TRIP4: variants seen among roughly 807,000 people sequenced by gnomAD.
TRIP4 encodes thyroid hormone receptor interactor 4.
Under a neutral mutation model 81.8 loss-of-function variants are expected in TRIP4, and 54 were observed. The observed-to-expected ratio is 0.66, with a 90% CI of 0.53 to 0.83. The LOEUF (loss-of-function observed/expected upper bound fraction) is 0.83, where lower values mean the gene tolerates loss of function less well. Among genes scored for constraint, TRIP4 ranks in the 40% least tolerant of loss-of-function variants. The pLI is 0.00. For synonymous variants in TRIP4, 270 were observed against 242.8 expected (o/e 1.11, Z -1.04); for missense variants, 662 against 683.6 (o/e 0.97, Z 0.35).
intron 1 of TRIP4, among the ~76,000 whole-genome samples, chr15:64,388,970 C>T (rs1300617796): frequency 6.6e-6 from 1 of 152,104 alleles, no homozygotes; most frequent in East Asian, 1.9e-4. Context: ...GTAACAAAGA[C>T]AAGACAGTTG....
chr15:64,428,867 C>T (rs1892208252), intron 11 of TRIP4, among the ~76,000 whole-genome samples: 2 of 152,056 alleles, frequency 1.3e-5, no homozygotes, highest in Non-Finnish European at 2.9e-5. Flanking sequence ...CCGCATTGAC[C>T]TCCCAAAGTG....
In TRIP4 at chr15:64,389,501, A is replaced by AT. The variant is rs201347624; in HGVS notation, c.101+1545dup. 2.4e-3 allele frequency among the ~76,000 whole-genome samples: 368 copies of AT among 151,986 alleles called. 2 individuals carry two copies. The highest frequency in any genetic ancestry group is 8.5e-3 in the African/African-American group (353 of 41,436). ...AAAAAAGTAAACAACAAGATAAAGG[A>AT]TTTTTTTTAACACTAGAATAGACAA... On this transcript the variant is annotated intron_variant, in intron 1 of 12. Transcript: ENST00000261884.
At chr15:64,436,465 G>A (rs967623756) in intron 11 of TRIP4, among the ~76,000 whole-genome samples, 3 of 151,242 alleles carry the variant, frequency 2.0e-5, no homozygotes, top group South Asian at 2.1e-4. Context: ...GGTGGCGGGC[G>A]CCTGTAATCC....
intron 12 of TRIP4, among the ~76,000 whole-genome samples, chr15:64,447,627 C>T (rs566196471): frequency 1.2e-4 from 19 of 152,332 alleles, no homozygotes; most frequent in African/African-American, 4.6e-4. Context: ...CCAAGTTGCC[C>T]TTAACTGACA....
chr15:64,423,991 A>G, intron 9 of TRIP4, 40 bp from the exon 10 acceptor site: 1 of 1,610,556 alleles, frequency 6.2e-7, no homozygotes, highest in Non-Finnish European at 8.5e-7. Flanking sequence ...CCAGGAAACT[A>G]GAATTTATAT....
At chr15:64,406,138 C>T (rs766127440) in intron 5 of TRIP4, among the ~76,000 whole-genome samples, 192 bp from the exon 6 acceptor site, 9 of 152,166 alleles carry the variant, frequency 5.9e-5, no homozygotes, top group African/African-American at 1.4e-4. Flanking sequence ...TATTGAAAAC[C>T]TGTCATGTGT....
intron 3 of TRIP4, among the ~76,000 whole-genome samples, chr15:64,396,856 C>T (rs1452194341): frequency 6.6e-6 from 1 of 152,212 alleles, no homozygotes; most frequent in African/African-American, 2.4e-5. Flanking sequence ...GTTTGCAGTC[C>T]TGCCAGCAGT....
At chr15:64,441,132 G>A (rs1892507297) in intron 11 of TRIP4, among the ~76,000 whole-genome samples, 1 of 151,962 alleles carries the variant, frequency 6.6e-6, no homozygotes, top group South Asian at 2.1e-4. Flanking sequence ...GCGTAGCTGG[G>A]ACTACTGGTG....
chr15:64,439,754 C>T (rs558198004), intron 11 of TRIP4, among the ~76,000 whole-genome samples: 3 of 151,676 alleles, frequency 2.0e-5, no homozygotes, highest in Middle Eastern at 3.4e-3. Context: ...GAACTCCTGG[C>T]CTCAAGCAAT....
At chr15:64,398,546 C>T (rs1031258370) in intron 4 of TRIP4, among the ~76,000 whole-genome samples, 7 of 151,910 alleles carry the variant, frequency 4.6e-5, no homozygotes, top group Admixed American at 3.3e-4. Context: ...CCAGGACGTC[C>T]AGGCTGCAGT....
At chr15:64,393,151 ATTTTT>A (rs947519077) in intron 1 of TRIP4, among the ~76,000 whole-genome samples, 1 of 130,702 alleles carries the variant, frequency 7.7e-6, no homozygotes. Flanking sequence ...TTGTATGTTA[ATTTTT>A]TTTTTTTTTT....
At chr15:64,450,393 GAA>G (rs1005400086) in intron 12 of TRIP4, among the ~76,000 whole-genome samples, 824 of 46,934 alleles carry the variant, frequency 0.018, 7 homozygotes, top group African/African-American at 0.051. Flanking sequence ...CGTCTCAAAA[GAA>G]AAAAAAAAAA....
intron 12 of TRIP4, among the ~76,000 whole-genome samples, chr15:64,453,066 GT>G (rs1168452635): frequency 3.3e-5 from 5 of 152,168 alleles, no homozygotes; most frequent in African/African-American, 1.2e-4. Flanking sequence ...CACACCTGTA[GT>G]CCCAGCTACA....
chr15:64,394,360 C>T (rs1275279443), intron 2 of TRIP4, among the ~76,000 whole-genome samples: 1 of 152,060 alleles, frequency 6.6e-6, no homozygotes, highest in Non-Finnish European at 1.5e-5. Context: ...AATCCCAGCA[C>T]TTTGGGAGGC....
At chr15:64,429,329 A>G (rs540770454) in intron 11 of TRIP4, among the ~76,000 whole-genome samples, 4 of 152,266 alleles carry the variant, frequency 2.6e-5, no homozygotes, top group African/African-American at 7.2e-5. Context: ...AAAAAAATAA[A>G]ATAAAAATAA....
chr15:64,421,750 A>G (rs1343105640), intron 9 of TRIP4, among the ~76,000 whole-genome samples: 1 of 152,170 alleles, frequency 6.6e-6, no homozygotes, highest in African/African-American at 2.4e-5. Context: ...TTGTAACTTA[A>G]GAATAAGAGG....
chr15:64,442,242 C>T (rs142046844), intron 11 of TRIP4, among the ~76,000 whole-genome samples: 13 of 151,388 alleles, frequency 8.6e-5, no homozygotes, highest in Admixed American at 2.0e-4. Context: ...TGAGAATAGA[C>T]CAAGAGGGAA....
intron 5 of TRIP4, among the ~76,000 whole-genome samples, chr15:64,404,891 G>T (rs1280455866): frequency 6.6e-6 from 1 of 151,708 alleles, no homozygotes; most frequent in African/African-American, 2.4e-5. Flanking sequence ...TCACCATGTT[G>T]CCCAGGCTAG....
intron 9 of TRIP4, among the ~76,000 whole-genome samples, chr15:64,418,953 T>C (rs879291107): frequency 6.6e-6 from 1 of 152,190 alleles, no homozygotes; most frequent in Non-Finnish European, 1.5e-5. Context: ...GTTTTTGTAC[T>C]GAATAGCTTA....
Sources: allele counts gnomAD v4.1 joint callset (sites outside exome capture counted in the v4.1 genomes callset), GRCh38; gene constraint gnomAD v4.1.1; transcripts MANE v1.5; gene names NCBI Gene and HGNC (gene_info 2026-07-23, HGNC 2026-07-21).